The following WLS variants were observed in gnomAD, a reference collection of about 807,000 sequenced individuals.
WLS encodes protein wntless homolog.
A neutral mutation model predicts 62.8 loss-of-function variants in WLS; 23 were observed. The observed-to-expected ratio is 0.37, with a 90% CI of 0.26 to 0.52. The LOEUF is 0.52. WLS is among the 20% of genes least tolerant of loss of function. The pLI, the probability that WLS is intolerant of heterozygous loss-of-function variation, is 0.92. For missense variants in WLS, 615 were observed against 697.3 expected (o/e 0.88, Z 1.33); for synonymous variants, 246 against 244.1 (o/e 1.01, Z -0.07).
At chr1:68,223,381 C>T (rs988447722) in intron 1 of WLS, among the ~76,000 whole-genome samples, 1 of 152,150 alleles carries the variant, frequency 6.6e-6, no homozygotes, top group Non-Finnish European at 1.5e-5. Flanking sequence ...CTTTCAAACC[C>T]AAACCAAGTA....
chr1:68,111,048 A>G (rs1646222934), intron 11 of WLS, among the ~76,000 whole-genome samples: 1 of 152,236 alleles, frequency 6.6e-6, no homozygotes, highest in Non-Finnish European at 1.5e-5. Flanking sequence ...CAACTACACA[A>G]ATCATCAAAG....
At chr1:68,117,623 C>G (rs533217108) in intron 11 of WLS, 1 of 152,510 alleles carries the variant, frequency 6.6e-6, no homozygotes, top group South Asian at 2.1e-4. Flanking sequence ...CCTCGGCTCA[C>G]TGAGCCCGTG....
rs1229373354 is a variant in WLS at position 68,110,651 on chromosome 1, ATCTCTGTCTCTC to A, written c.1511-11910_1511-11899del. On this transcript the variant is annotated intron_variant, in intron 11 of 11. Transcript: ENST00000354777. The stretch of plus-strand genomic sequence containing the variant: ...GGAACAGACTAAGAAGCCCCCAAAA[ATCTCTGTCTCTC>A]TCTCTCTCTCTCTCTCTCTCTCTCT... 4.3e-4 allele frequency among the ~76,000 whole-genome samples: 54 copies of A among 126,228 alleles called. 1 individual carries two copies. The highest frequency in any genetic ancestry group is 2.1e-3 in the Admixed American group (26 of 12,328). 82.8% of individuals were successfully genotyped at this position (126,228 alleles called of 152,430 possible).
chr1:68,122,677 A>G (rs572393701), downstream of WLS, among the ~76,000 whole-genome samples: 2 of 152,362 alleles, frequency 1.3e-5, no homozygotes, highest in African/African-American at 4.8e-5. Flanking sequence ...TACATGGCCA[A>G]TAATAAATTT....
chr1:68,154,963 T>C, intron 4 of WLS, 136 bp downstream of exon 4: 2 of 971,402 alleles, frequency 2.1e-6, no homozygotes, highest in East Asian at 2.5e-5. Context: ...ACAAATTAGT[T>C]CACTTTATGA....
At chr1:68,163,092 C>A (rs1374393010) in intron 2 of WLS, 1 of 1,550,856 alleles carries the variant, frequency 6.4e-7, no homozygotes, top group Non-Finnish European at 8.8e-7. Flanking sequence ...AAGGGCCATA[C>A]TTTATGGAAC....
chr1:68,141,475 T>A (rs1208912877), intron 10 of WLS: 2 of 152,226 alleles, frequency 1.3e-5, no homozygotes, highest in Admixed American at 1.3e-4. Flanking sequence ...TTGGTTGCTA[T>A]GACTGAGGCC....
At chr1:68,194,687 T>C (rs1648566104) in intron 1 of WLS, among the ~76,000 whole-genome samples, 1 of 152,194 alleles carries the variant, frequency 6.6e-6, no homozygotes, top group African/African-American at 2.4e-5. Context: ...CTGTAATAGC[T>C]TCAGGACCCT....
intron 2 of WLS, among the ~76,000 whole-genome samples, chr1:68,174,181 C>T (rs778459430): frequency 3.9e-5 from 6 of 152,194 alleles, no homozygotes; most frequent in Non-Finnish European, 7.3e-5. Flanking sequence ...TGGCTCTCAG[C>T]GCTGCTGCCA....
chr1:68,191,989 CT>C (rs1176606106), intron 2 of WLS, among the ~76,000 whole-genome samples: 1 of 152,136 alleles, frequency 6.6e-6, no homozygotes, highest in Non-Finnish European at 1.5e-5. Context: ...CCATATCCTC[CT>C]GGGCATAACT....
At chr1:68,180,047 C>T (rs1212993520) in intron 2 of WLS, among the ~76,000 whole-genome samples, 11 of 151,914 alleles carry the variant, frequency 7.2e-5, no homozygotes. Context: ...AGGCCAAGTT[C>T]AGGCCAAGCA....
intron 11 of WLS, among the ~76,000 whole-genome samples, chr1:68,101,783 A>G (rs1184970532): frequency 6.6e-6 from 1 of 152,232 alleles, no homozygotes; most frequent in Admixed American, 6.5e-5. Context: ...GGGGCTTTGC[A>G]AAATACACGC....
chr1:68,183,453 T>C, intron 2 of WLS: 6 of 470,848 alleles, frequency 1.3e-5, no homozygotes, highest in South Asian at 9.9e-5. Flanking sequence ...GTGTATAAAA[T>C]CCTCTGCCCC....
intron 3 of WLS, among the ~76,000 whole-genome samples, chr1:68,157,763 T>C (rs1302016433): frequency 6.6e-6 from 1 of 152,202 alleles, no homozygotes; most frequent in Non-Finnish European, 1.5e-5. Flanking sequence ...ATCCTAAAGA[T>C]AATTAAGCAT....
intron 11 of WLS, among the ~76,000 whole-genome samples, chr1:68,128,585 G>C (rs943175329): frequency 6.6e-6 from 1 of 152,172 alleles, no homozygotes; most frequent in African/African-American, 2.4e-5. Context: ...TTGAACCAAA[G>C]ATGTTAATTC....
chr1:68,147,324 T>G (rs967661872), intron 8 of WLS, among the ~76,000 whole-genome samples: 1 of 152,172 alleles, frequency 6.6e-6, no homozygotes, highest in African/African-American at 2.4e-5. Flanking sequence ...AGGGTAGAGC[T>G]TCTCTCTCAT....
At chr1:68,217,873 G>A (rs1458198324) in intron 1 of WLS, among the ~76,000 whole-genome samples, 5 of 152,080 alleles carry the variant, frequency 3.3e-5, no homozygotes, top group African/African-American at 7.2e-5. Context: ...AGGACACAGC[G>A]GTTGATTAAA....
At chr1:68,144,324 C>T (rs1646725025) in intron 10 of WLS, among the ~76,000 whole-genome samples, 1 of 152,152 alleles carries the variant, frequency 6.6e-6, no homozygotes, top group Non-Finnish European at 1.5e-5. Flanking sequence ...AAAATATGTG[C>T]CCTTCAATCT....
chr1:68,155,601 G>A (rs1055470794), intron 3 of WLS, among the ~76,000 whole-genome samples: 3 of 152,072 alleles, frequency 2.0e-5, no homozygotes, highest in African/African-American at 7.2e-5. Context: ...TGTCTGCCAG[G>A]GCTACAAGAG....
Sources: gnomAD v4.1 joint callset for allele counts (sites outside exome capture counted in the v4.1 genomes callset) on GRCh38, gnomAD v4.1.1 for gene constraint, MANE v1.5 for transcripts, NCBI Gene and HGNC (gene_info 2026-07-23, HGNC 2026-07-21) for gene names.